The following SULF1 variants were observed in gnomAD, a reference collection of about 807,000 sequenced individuals.
The protein encoded by SULF1 is sulfatase 1.
A neutral mutation model predicts 110.5 loss-of-function variants in SULF1; 46 were observed. The ratio of observed to expected loss-of-function variants is 0.42; its 90% CI spans 0.33 to 0.53. The LOEUF (loss-of-function observed/expected upper bound fraction) is 0.53. Ranked by LOEUF, SULF1 falls within the 20% of genes least tolerant of loss-of-function variation. SULF1 has a pLI of 0.12. For missense variants in SULF1, 941 were observed against 1,094.2 expected (o/e 0.86, Z 1.98); for synonymous variants, 371 against 387.1 (o/e 0.96, Z 0.49).
At chr8:69,650,199 T>C (rs965012570) in intron 22 of SULF1, among the ~76,000 whole-genome samples, 1 of 151,852 alleles carries the variant, frequency 6.6e-6, no homozygotes, top group Non-Finnish European at 1.5e-5. Context: ...AAGGTCTCAC[T>C]ATATTGCCCA....
At chr8:69,625,452 G>T (rs1023435541) in intron 15 of SULF1, among the ~76,000 whole-genome samples, 1 of 152,208 alleles carries the variant, frequency 6.6e-6, no homozygotes, top group Non-Finnish European at 1.5e-5. Context: ...GACCCTCGTG[G>T]TGAGTGTTAC....
intron 13 of SULF1, 27 bp from the exon 14 acceptor site, chr8:69,621,008 A>G (rs1408305108): frequency 6.4e-7 from 1 of 1,571,552 alleles, no homozygotes; most frequent in African/African-American, 1.4e-5. Context: ...CAGAATCGGT[A>G]AACTGCTTTC....
chr8:69,618,345 AC>A (rs1809341185), intron 13 of SULF1, among the ~76,000 whole-genome samples: 1 of 152,202 alleles, frequency 6.6e-6, no homozygotes, highest in Non-Finnish European at 1.5e-5. Flanking sequence ...TCTGTATTGA[AC>A]CTGCATAAAC....
chr8:69,614,673 C>A (rs1388995590), intron 13 of SULF1, among the ~76,000 whole-genome samples: 1 of 152,244 alleles, frequency 6.6e-6, no homozygotes, highest in African/African-American at 2.4e-5. Context: ...AAAACACTAA[C>A]ACATAATTAC....
chr8:69,625,052 A>G (rs1020829788), intron 15 of SULF1, among the ~76,000 whole-genome samples: 1 of 152,172 alleles, frequency 6.6e-6, no homozygotes, highest in Non-Finnish European at 1.5e-5. Context: ...CTCTTACATT[A>G]TTAACCCCAC....
At chr8:69,591,418 G>A (rs1454836716) in intron 8 of SULF1, among the ~76,000 whole-genome samples, 1 of 151,784 alleles carries the variant, frequency 6.6e-6, no homozygotes, top group Non-Finnish European at 1.5e-5. Context: ...ATAAAAATTA[G>A]CCAGGCGTGG....
chr8:69,646,693 G>A (rs1811935450), intron 22 of SULF1, among the ~76,000 whole-genome samples: 2 of 152,204 alleles, frequency 1.3e-5, no homozygotes, highest in Non-Finnish European at 1.5e-5. Flanking sequence ...AACCCAGCGA[G>A]TCTGGTTCTA....
chr8:69,527,910 G>A (rs532401079), intron 3 of SULF1, among the ~76,000 whole-genome samples: 1 of 152,262 alleles, frequency 6.6e-6, no homozygotes, highest in Non-Finnish European at 1.5e-5. Flanking sequence ...AAATGAGAAG[G>A]AGGGAATCTG....
chr8:69,648,650 C>T (rs559340218), intron 22 of SULF1, among the ~76,000 whole-genome samples: 1 of 152,278 alleles, frequency 6.6e-6, no homozygotes, highest in South Asian at 2.1e-4. Context: ...GTGGCTGGTA[C>T]AGAGGTGATG....
intron 15 of SULF1, chr8:69,626,148 TCCAAGGCCCCACCAGAGCAG>T (rs1158431398): frequency 8.7e-5 from 4 of 45,796 alleles, no homozygotes; most frequent in East Asian, 7.1e-4. Context: ...ATAAAGGTTC[TCCAAGGCCCCACCAGAGCAG>T]CTAGATACAG....
chr8:69,584,697 G>A (rs1284864406), intron 6 of SULF1: 2 of 152,140 alleles, frequency 1.3e-5, no homozygotes, highest in African/African-American at 4.8e-5. Context: ...CGAACACAAA[G>A]CCAATAGGCT....
chr8:69,559,038 T>C (rs1048460838), intron 3 of SULF1, among the ~76,000 whole-genome samples: 2 of 152,230 alleles, frequency 1.3e-5, no homozygotes, highest in Non-Finnish European at 2.9e-5. Context: ...GTCGAATTCT[T>C]ATTTCTGCTT....
chr8:69,603,548 A>C, intron 11 of SULF1, 52 bp from the exon 12 acceptor site: 1 of 1,487,326 alleles, frequency 6.7e-7, no homozygotes, highest in Non-Finnish European at 9.4e-7. Flanking sequence ...GCACAGATCC[A>C]TTTGGAAAAA....
chr8:69,523,251 G>A (rs944325143), intron 3 of SULF1, among the ~76,000 whole-genome samples: 6 of 152,234 alleles, frequency 3.9e-5, no homozygotes, highest in East Asian at 1.9e-4. Flanking sequence ...AGATGCTGGC[G>A]GGTGAACAAG....
chr8:69,638,073 C>T (rs1205364994), intron 19 of SULF1: 1 of 172,666 alleles, frequency 5.8e-6, no homozygotes, highest in Admixed American at 6.3e-5. Context: ...TCATTGGTGA[C>T]ATGTGGCCAT....
intron 2 of SULF1, among the ~76,000 whole-genome samples, chr8:69,501,479 A>G (rs1245831011): frequency 6.6e-6 from 1 of 152,214 alleles, no homozygotes; most frequent in African/African-American, 2.4e-5. Flanking sequence ...AGATTCCATG[A>G]TTCAGCGCGT....
chr8:69,640,777 C>T (rs1346697727), intron 21 of SULF1, 31 bp from the exon 22 acceptor site: 1 of 1,593,496 alleles, frequency 6.3e-7, no homozygotes, highest in Non-Finnish European at 8.6e-7. Flanking sequence ...CTAAAGCTAA[C>T]AGAAATTACT....
At position 69,576,161 on chromosome 8, in the gene SULF1, G is replaced by C; in HGVS notation, c.364G>C (p.Glu122Gln). The C allele has an allele frequency of 3.1e-6, 5 of 1,614,198 alleles. No homozygotes were observed. The highest frequency in any genetic ancestry group is 4.2e-6 in the Non-Finnish European group (5 of 1,180,044). Residue 122 changes from glutamate (E) to glutamine (Q), a missense_variant, in exon 6 of 23, where the codon GAG (glutamate) becomes CAG (glutamine). This residue lies in a region of SULF1 where 822 missense variants were observed against 934.3 expected (regional missense o/e 0.88). Transcript: ENST00000402687. ...TTCCCCCTCGTGGCAGGCCATGCAT[G>C]AGCCTCGGACTTTTGCTGTATATCT... is the stretch of plus-strand genomic sequence containing the variant. ...CSSPSWQAMH[E>Q]PRTFAVYLNN... is the part of the protein sequence containing the mutation.
chr8:69,578,222 G>A (rs1805765060), intron 6 of SULF1, among the ~76,000 whole-genome samples: 1 of 152,176 alleles, frequency 6.6e-6, no homozygotes, highest in African/African-American at 2.4e-5. Context: ...GAGGGATTGA[G>A]AGAGTTTAAC....
Sources: gnomAD v4.1 joint callset for allele counts (sites outside exome capture counted in the v4.1 genomes callset) on GRCh38, gnomAD v4.1.1 for gene constraint, gnomAD v4.1.1 regional missense constraint, MANE v1.5 for transcripts, NCBI Gene and HGNC (gene_info 2026-07-23, HGNC 2026-07-21) for gene names.